Variants in HADHA observed in about 807,000 individuals in gnomAD.
The protein encoded by HADHA is hydroxyacyl-CoA dehydrogenase trifunctional multienzyme complex subunit alpha.
Under a neutral mutation model 91.3 loss-of-function variants are expected in HADHA, and 59 were observed. The ratio of observed to expected loss-of-function variants is 0.65; its 90% confidence interval spans 0.52 to 0.80. HADHA has a LOEUF of 0.80. HADHA is among the 30% of genes least tolerant of loss of function. HADHA has a pLI of 0.00. For synonymous variants in HADHA, 320 were observed against 338.9 expected, an observed-to-expected ratio of 0.94 and a Z score of 0.61; for missense variants, 800 against 927.6, an observed-to-expected ratio of 0.86 and a Z score of 1.79.
At chr2:26,203,953 G>T in intron 12 of HADHA, 109 bp downstream of exon 12, 1 of 1,076,492 alleles carries the variant, frequency 9.3e-7, no homozygotes, top group Non-Finnish European at 1.4e-6. Flanking sequence ...AAAGGAATCC[G>T]TGATGGCAAG....
At chr2:26,194,060 T>A (rs1669590191) in intron 16 of HADHA, among the ~76,000 whole-genome samples, 2 of 152,212 alleles carry the variant, frequency 1.3e-5, no homozygotes, top group South Asian at 4.1e-4. Context: ...ATAAGGAGAT[T>A]GCATGACAGA....
chr2:26,237,894 G>A (rs1027802899), intron 3 of HADHA, among the ~76,000 whole-genome samples: 1 of 152,164 alleles, frequency 6.6e-6, no homozygotes, highest in South Asian at 2.1e-4. Flanking sequence ...TGGTTAGTGA[G>A]TGCTAAAATT....
chr2:26,242,925 G>T (rs531513952), intron 1 of HADHA, among the ~76,000 whole-genome samples: 5 of 152,304 alleles, frequency 3.3e-5, no homozygotes, highest in Admixed American at 1.3e-4. Context: ...CTAATTTCTT[G>T]TATTTTTAGT....
intron 7 of HADHA, among the ~76,000 whole-genome samples, chr2:26,227,503 C>CTT (rs1176580812): frequency 9.7e-6 from 1 of 103,516 alleles, no homozygotes; most frequent in Non-Finnish European, 1.9e-5. Flanking sequence ...CAGAGCGAGA[C>CTT]TTTGTCTCAA....
Position 26,236,919 on chromosome 2 carries a change from G to T in HADHA, c.250C>A (p.Gln84Lys). 1 of 1,608,264 alleles carries T rather than the reference G, an allele frequency of 6.2e-7. No homozygotes were observed. The highest frequency in any genetic ancestry group is 8.5e-7 in the Non-Finnish European group (1 of 1,174,720). Residue 84 changes from glutamine to lysine, a missense_variant, in exon 4 of 20, where the codon CAA (glutamine) becomes AAA (lysine). Transcript: ENST00000380649. ...EVMNEIWASD[Q>K]IRSAVLISSK... ...GAGATAAGGACGGCACTTCTGATTT[G>T]ATCACTAGCCCAGATTTCATTCATA...
At position 26,244,541 on chromosome 2, in the gene HADHA, A is replaced by C. The variant is rs1328973150; in HGVS notation, c.56T>G (p.Leu19Arg). 6.3e-7 allele frequency: 1 copy of C among 1,583,324 alleles called. No individual in the cohort carries two copies. Among genetic ancestry groups the C allele is most frequent in the Non-Finnish European group, 8.6e-7 (1 of 1,164,168 alleles). ...CGGCCAGGCCTCACCTCGGGAGCGGAGGATCCTGAAGGCAGAAAAGCGGCT... is the reference window on the plus strand; with the variant it reads ...CGGCCAGGCCTCACCTCGGGAGCGGCGGATCCTGAAGGCAGAAAAGCGGCT... ...ILSRFSAFRI[L>R]RSRGYICRNF... Residue 19 changes from leucine to arginine, a missense_variant, in exon 1 of 20, where the codon CTC becomes CGC. Leu to Arg is a moderately radical substitution (Grantham distance 102). Coordinates refer to ENST00000380649, the MANE Select transcript of HADHA (RefSeq NM_000182.5).
chr2:26,223,958 G>T (rs1214992270), intron 7 of HADHA, among the ~76,000 whole-genome samples: 1 of 152,100 alleles, frequency 6.6e-6, no homozygotes, highest in East Asian at 1.9e-4. Flanking sequence ...TATTGGCCAG[G>T]CTGGTCTCGA....
intron 7 of HADHA, among the ~76,000 whole-genome samples, chr2:26,220,734 A>G (rs1222607508): frequency 6.6e-6 from 1 of 152,256 alleles, no homozygotes; most frequent in Non-Finnish European, 1.5e-5. Context: ...TTTCAGCAAT[A>G]TACCTTCAAT....
chr2:26,231,515 T>C (rs919073111), intron 6 of HADHA, among the ~76,000 whole-genome samples: 2 of 152,208 alleles, frequency 1.3e-5, no homozygotes, highest in Non-Finnish European at 2.9e-5. Flanking sequence ...CTTATATTTG[T>C]AATGAAATAT....
At chr2:26,232,102 T>C in intron 6 of HADHA, 58 bp downstream of exon 6, 4 of 1,285,824 alleles carry the variant, frequency 3.1e-6, no homozygotes, top group South Asian at 2.4e-5. Context: ...ATGCATTTTA[T>C]ACAAGAAAAC....
At chr2:26,201,367 C>T (rs1489259825) in intron 12 of HADHA, 47 bp from the exon 13 acceptor site, 5 of 1,344,852 alleles carry the variant, frequency 3.7e-6, no homozygotes, top group Non-Finnish European at 5.3e-6. Flanking sequence ...AGGAAACTAA[C>T]GTTTATTGAA....
Position 26,232,169 on chromosome 2 carries a change from C to T in HADHA, c.564G>A (p.Leu188=), listed in dbSNP as rs2147781176. The T allele has an allele frequency of 1.2e-6, 2 of 1,610,932 alleles. No homozygotes were observed. The highest frequency in any genetic ancestry group is 1.1e-5 in the South Asian group (1 of 91,020). Residue 188 remains leucine (L), a synonymous_variant, in exon 6 of 20, where the codon CTG becomes CTA. Coordinates refer to ENST00000380649, the MANE Select transcript of HADHA (RefSeq NM_000182.5). ...ALPGAGGTQR[L]PKMVGVPAAL... is the part of the protein sequence containing the mutation. ...GGGATGTTAGACTCACCATTTTGGG[C>T]AGCCTTTGTGTGCCTCCTGCTCCTG...
intron 12 of HADHA, among the ~76,000 whole-genome samples, chr2:26,203,077 T>C (rs1669885833): frequency 6.6e-6 from 1 of 152,270 alleles, no homozygotes; most frequent in African/African-American, 2.4e-5. Context: ...GATGCTTGCA[T>C]GCTAGTTTCA....
In HADHA at chr2:26,212,581, A is replaced by G; in HGVS notation, c.964T>C (p.Cys322Arg). 1 of 1,583,608 alleles carries G rather than the reference A, an allele frequency of 6.3e-7. No homozygotes were observed. Among genetic ancestry groups the G allele is most frequent in the Middle Eastern group, 1.7e-4 (1 of 6,014 alleles). ...IEQGSDAGYL[C>R]ESQKFGELVM... Reference sequence around the variant, plus strand: ...GGAAATAAGTTTACCTGAGATTCACAGAGATAACCGGCATCACTCCCTTGC... The same window carrying G: ...GGAAATAAGTTTACCTGAGATTCACGGAGATAACCGGCATCACTCCCTTGC... The change falls in exon 10 of 20, where the codon TGT becomes CGT. Residue 322 changes from cysteine to arginine, a missense_variant. Transcript: ENST00000380649.
chr2:26,207,499 T>G (rs1669999344), intron 11 of HADHA, among the ~76,000 whole-genome samples: 1 of 152,214 alleles, frequency 6.6e-6, no homozygotes. Context: ...AAAATTTTCA[T>G]GATGGCTTTA....
At chr2:26,217,191 A>C (rs774276900) in intron 7 of HADHA, among the ~76,000 whole-genome samples, 7 of 152,216 alleles carry the variant, frequency 4.6e-5, no homozygotes, top group Non-Finnish European at 1.0e-4. Context: ...TGAAAAAAAA[A>C]AAGTGAATCA....
intron 1 of HADHA, among the ~76,000 whole-genome samples, chr2:26,243,922 C>T (rs1447347085): frequency 6.6e-6 from 1 of 152,236 alleles, no homozygotes; most frequent in African/African-American, 2.4e-5. Flanking sequence ...TAAAGTGTGT[C>T]TTCCAGTAAG....
chr2:26,204,252 A>G, intron 11 of HADHA, 56 bp from the exon 12 acceptor site: 1 of 1,537,154 alleles, frequency 6.5e-7, no homozygotes, highest in Non-Finnish European at 9.0e-7. Context: ...ATTTCAGTCA[A>G]AGTGGAAGAT....
intron 7 of HADHA, among the ~76,000 whole-genome samples, chr2:26,218,203 G>C (rs1279116167): frequency 6.6e-6 from 1 of 151,844 alleles, no homozygotes; most frequent in Non-Finnish European, 1.5e-5. Flanking sequence ...AGGAGGCTGA[G>C]ATAGGAGAAT....
Sources: gnomAD v4.1 joint callset for allele counts (sites outside exome capture counted in the v4.1 genomes callset) on GRCh38, gnomAD v4.1.1 for gene constraint, MANE v1.5 for transcripts, NCBI Gene and HGNC (gene_info 2026-07-23, HGNC 2026-07-21) for gene names.